Variants in KCNIP4 observed in about 807,000 individuals in gnomAD.
KCNIP4 encodes the protein Kv channel-interacting protein 4.
Under a neutral mutation model 34.0 loss-of-function variants are expected in KCNIP4, and 12 were observed. The observed-to-expected ratio is 0.35, with a 90% confidence interval of 0.23 to 0.57. The LOEUF (loss-of-function observed/expected upper bound fraction) is 0.57, where lower values mean the gene tolerates loss of function less well. KCNIP4 is among the 20% of genes least tolerant of loss of function. The pLI, the probability that KCNIP4 is intolerant of heterozygous loss-of-function variation, is 0.83. For missense variants in KCNIP4, 238 were observed against 311.7 expected (o/e 0.76, Z 1.78); for synonymous variants, 124 against 102.2 (o/e 1.21, Z -1.29).
chr4:21,370,830 TATATATATATATATATATATACACAC>T (rs1560337836), intron 1 of KCNIP4, among the ~76,000 whole-genome samples: 14 of 33,090 alleles, frequency 4.2e-4, no homozygotes, highest in East Asian at 1.8e-3. Context: ...TATATATATA[TATATATATATATATATATATACACAC>T]ACACACACAC....
At chr4:21,430,242 C>T (rs1025897827) in intron 1 of KCNIP4, among the ~76,000 whole-genome samples, 5 of 151,914 alleles carry the variant, frequency 3.3e-5, no homozygotes, top group South Asian at 2.1e-4. Flanking sequence ...TCTTGCATCA[C>T]GTTTTATACT....
chr4:21,545,687 A>G (rs926163530), intron 1 of KCNIP4, among the ~76,000 whole-genome samples: 5 of 152,128 alleles, frequency 3.3e-5, no homozygotes, highest in Non-Finnish European at 7.4e-5. Flanking sequence ...TTCCAGCTTC[A>G]TCCATATCCC....
Position 21,566,805 on chromosome 4 carries a change from T to C in KCNIP4, c.61+381766A>G, listed in dbSNP as rs191692817. 1.1e-3 allele frequency among the ~76,000 whole-genome samples: 161 copies of C among 152,166 alleles called. 1 individual carries two copies. Among genetic ancestry groups the C allele is most frequent in the Non-Finnish European group, 4.3e-4 (29 of 67,986 alleles). On this transcript the variant is annotated intron_variant, in intron 1 of 8. Coordinates refer to ENST00000382152, the MANE Select transcript of KCNIP4 (RefSeq NM_025221.6). Reference sequence around the variant, plus strand: ...CTGATGAGAGGTCAAAGGATTCCTATTGAACCAGACATCAGTTGCTGGGGA... The same window carrying C: ...CTGATGAGAGGTCAAAGGATTCCTACTGAACCAGACATCAGTTGCTGGGGA...
At chr4:21,929,137 A>T (rs1578153780) in intron 1 of KCNIP4, among the ~76,000 whole-genome samples, 2 of 152,130 alleles carry the variant, frequency 1.3e-5, no homozygotes, top group Non-Finnish European at 2.9e-5. Context: ...ATACACATAA[A>T]ACATATTAAA....
intron 1 of KCNIP4, among the ~76,000 whole-genome samples, chr4:21,025,990 C>T (rs912529824): frequency 1.3e-5 from 2 of 151,954 alleles, no homozygotes; most frequent in Non-Finnish European, 2.9e-5. Flanking sequence ...CATGGAACAC[C>T]GATTCTAAGA....
intron 1 of KCNIP4, among the ~76,000 whole-genome samples, chr4:20,990,128 A>G (rs545510444): frequency 6.6e-6 from 1 of 152,324 alleles, no homozygotes; most frequent in East Asian, 1.9e-4. Context: ...ATGACCCTTC[A>G]TGTCTCTTCA....
At chr4:21,035,948 C>A (rs1741408744) in intron 1 of KCNIP4, among the ~76,000 whole-genome samples, 1 of 152,142 alleles carries the variant, frequency 6.6e-6, no homozygotes, top group African/African-American at 2.4e-5. Context: ...AGGAAGACAG[C>A]CTAGCTCTCT....
At position 21,823,251 on chromosome 4, in the gene KCNIP4, T is replaced by C. The variant is rs564036018; in HGVS notation, c.61+125320A>G. 3.9e-5 allele frequency among the ~76,000 whole-genome samples: 6 copies of C among 152,184 alleles called. No individual in the cohort carries two copies. The South Asian group carries it at 1.0e-3, about 26-fold the overall frequency. On this transcript the variant is annotated intron_variant, in intron 1 of 8. Transcript: ENST00000382152. Reference sequence around the variant, plus strand: ...TACTGCTGACTTCATAGAAGGCATATTATCAATTAAACAGTACTTCGCCAT... The same window carrying C: ...TACTGCTGACTTCATAGAAGGCATACTATCAATTAAACAGTACTTCGCCAT...
At chr4:21,749,621 C>A (rs1291963389) in intron 1 of KCNIP4, among the ~76,000 whole-genome samples, 1 of 152,118 alleles carries the variant, frequency 6.6e-6, no homozygotes, top group Non-Finnish European at 1.5e-5. Context: ...TTGCAATATT[C>A]AGCTAATGAG....
intron 1 of KCNIP4, among the ~76,000 whole-genome samples, chr4:21,236,950 G>A: frequency 6.6e-6 from 1 of 151,518 alleles, no homozygotes; most frequent in East Asian, 1.9e-4. Context: ...AGGTTACAGT[G>A]AGCCGAGATC....
intron 1 of KCNIP4, among the ~76,000 whole-genome samples, chr4:21,366,266 T>TA (rs1177171232): frequency 1.3e-5 from 2 of 152,000 alleles, no homozygotes; most frequent in African/African-American, 2.4e-5. Flanking sequence ...CTATCCTCTT[T>TA]AAAAAAATAA....
chr4:21,260,979 G>A (rs1191865924), intron 1 of KCNIP4, among the ~76,000 whole-genome samples: 1 of 152,156 alleles, frequency 6.6e-6, no homozygotes, highest in Non-Finnish European at 1.5e-5. Context: ...TTCTGACTGA[G>A]TTGTCAGCTC....
intron 1 of KCNIP4, among the ~76,000 whole-genome samples, chr4:21,606,074 T>C (rs1035551959): frequency 6.6e-6 from 1 of 152,150 alleles, no homozygotes; most frequent in African/African-American, 2.4e-5. Flanking sequence ...ACAATCTTAC[T>C]GGGGAGTTGA....
chr4:21,606,529 G>C (rs540648348), intron 1 of KCNIP4, among the ~76,000 whole-genome samples: 1 of 152,274 alleles, frequency 6.6e-6, no homozygotes, highest in East Asian at 1.9e-4. Flanking sequence ...GCAGGGCTGT[G>C]TTGCTTTCCC....
intron 1 of KCNIP4, among the ~76,000 whole-genome samples, chr4:21,768,863 G>T (rs1032156180): frequency 1.1e-4 from 16 of 151,974 alleles, no homozygotes; most frequent in African/African-American, 3.9e-4. Flanking sequence ...AATCAAATGT[G>T]ATGTCATTTA....
At chr4:21,834,372 C>T (rs1401086327) in intron 1 of KCNIP4, among the ~76,000 whole-genome samples, 4 of 152,248 alleles carry the variant, frequency 2.6e-5, no homozygotes, top group African/African-American at 7.2e-5. Flanking sequence ...TGGGAGTTCA[C>T]TCATGATTTG....
intron 1 of KCNIP4, among the ~76,000 whole-genome samples, chr4:21,275,400 A>G (rs1007202091): frequency 6.6e-6 from 1 of 152,230 alleles, no homozygotes; most frequent in Non-Finnish European, 1.5e-5. Flanking sequence ...TAATAGGTCT[A>G]TAAAACAGGA....
intron 1 of KCNIP4, among the ~76,000 whole-genome samples, chr4:21,658,606 T>G (rs1748164586): frequency 6.6e-6 from 1 of 152,132 alleles, no homozygotes; most frequent in African/African-American, 2.4e-5. Context: ...TTTCACCATG[T>G]TGGCCAGGCT....
At chr4:21,150,335 G>T (rs1752671016) in intron 1 of KCNIP4, among the ~76,000 whole-genome samples, 1 of 151,556 alleles carries the variant, frequency 6.6e-6, no homozygotes, top group African/African-American at 2.4e-5. Flanking sequence ...ACCAATGGCT[G>T]AGAGGGAGGC....
Sources: gnomAD v4.1 joint callset for allele counts (sites outside exome capture counted in the v4.1 genomes callset) on GRCh38, gnomAD v4.1.1 for gene constraint, MANE v1.5 for transcripts, NCBI Gene and HGNC (gene_info 2026-07-23, HGNC 2026-07-21) for gene names.